Variants in ATG10 observed in about 807,000 individuals in gnomAD.
ATG10 encodes the protein ubiquitin-like-conjugating enzyme ATG10.
Under a neutral mutation model 32.1 loss-of-function variants are expected in ATG10, and 30 were observed. The ratio of observed to expected loss-of-function variants is 0.94; its 90% confidence interval spans 0.70 to 1.27. The LOEUF (loss-of-function observed/expected upper bound fraction) is 1.27. ATG10 is among the 50% of genes most tolerant of loss of function. ATG10 has a pLI of 0.00. For synonymous variants in ATG10, 87 were observed against 91.5 expected (o/e 0.95, Z 0.28); for missense variants, 233 against 262.3 (o/e 0.89, Z 0.77).
intron 3 of ATG10, among the ~76,000 whole-genome samples, chr5:82,152,537 A>C (rs995412393): frequency 1.3e-5 from 2 of 152,216 alleles, no homozygotes; most frequent in African/African-American, 4.8e-5. Flanking sequence ...CTGGCGCAGA[A>C]ATCTAAGAGC....
intron 3 of ATG10, among the ~76,000 whole-genome samples, chr5:82,078,218 G>T (rs532406670): frequency 3.6e-4 from 55 of 152,196 alleles, no homozygotes; most frequent in Non-Finnish European, 6.9e-4. Context: ...TTCATATGCA[G>T]TAAAGGCTTT....
chr5:82,179,712 C>G (rs879747765), intron 5 of ATG10, among the ~76,000 whole-genome samples: 4 of 152,012 alleles, frequency 2.6e-5, no homozygotes, highest in Non-Finnish European at 5.9e-5. Context: ...ATTATTTTTT[C>G]CAAGCTTCTG....
At chr5:82,004,393 C>A (rs1408164504) in intron 2 of ATG10, among the ~76,000 whole-genome samples, 1 of 152,082 alleles carries the variant, frequency 6.6e-6, no homozygotes, top group Non-Finnish European at 1.5e-5. Context: ...GTATTTGCGT[C>A]CCCGAAGTTG....
At chr5:82,025,353 G>T (rs200908206) in intron 2 of ATG10, among the ~76,000 whole-genome samples, 1 of 152,176 alleles carries the variant, frequency 6.6e-6, no homozygotes, top group East Asian at 1.9e-4. Context: ...TGCTTATGAT[G>T]CATTAGCTTT....
At chr5:82,234,435 A>T (rs1746482390) in intron 5 of ATG10, among the ~76,000 whole-genome samples, 1 of 152,110 alleles carries the variant, frequency 6.6e-6, no homozygotes, top group Non-Finnish European at 1.5e-5. Flanking sequence ...TCATCCGTAA[A>T]ACCCTGCCCT....
intron 2 of ATG10, among the ~76,000 whole-genome samples, chr5:81,994,664 C>CT (rs922147824): frequency 6.6e-6 from 1 of 152,140 alleles, no homozygotes; most frequent in Non-Finnish European, 1.5e-5. Context: ...ATTAAAGCCT[C>CT]TTTTTTACTT....
intron 2 of ATG10, among the ~76,000 whole-genome samples, chr5:82,054,689 G>C (rs1427986367): frequency 6.6e-6 from 1 of 152,122 alleles, no homozygotes; most frequent in East Asian, 1.9e-4. Context: ...AAACTTGAAG[G>C]TTCCCTTTGT....
At chr5:82,116,788 T>A (rs1037008743) in intron 3 of ATG10, among the ~76,000 whole-genome samples, 1 of 152,126 alleles carries the variant, frequency 6.6e-6, no homozygotes, top group Admixed American at 6.6e-5. Flanking sequence ...TCTGAGAGAA[T>A]GAAGGTGTGA....
intron 3 of ATG10, among the ~76,000 whole-genome samples, chr5:82,163,014 A>C (rs556652137): frequency 1.3e-5 from 2 of 152,228 alleles, no homozygotes; most frequent in African/African-American, 4.8e-5. Context: ...CAATATTTGT[A>C]ATTTTTACCA....
Position 82,255,729 on chromosome 5 carries a change from G to A in ATG10, c.*1666G>A, listed in dbSNP as rs1747438348. The stretch of plus-strand genomic sequence containing the variant: ...TGTCTAGGCCTTACATGGATAGTAA[G>A]GAAGCTTAGGAGACATGTACACAAG... On this transcript the variant is annotated 3_prime_UTR_variant, in exon 8 of 8. Transcript: ENST00000282185. 1 of 152,188 alleles carries A rather than the reference G, an allele frequency of 6.6e-6. No individual in the cohort carries two copies. Among genetic ancestry groups the A allele is most frequent in the Admixed American group, 6.5e-5 (1 of 15,282 alleles). 9.4% of individuals were successfully genotyped at this position (152,188 alleles called of 1,614,324 possible).
At chr5:82,219,258 C>T (rs1283696087) in intron 5 of ATG10, among the ~76,000 whole-genome samples, 1 of 152,146 alleles carries the variant, frequency 6.6e-6, no homozygotes, top group Admixed American at 6.5e-5. Flanking sequence ...GATTTTAGAA[C>T]AAGTAGTATT....
At chr5:82,206,471 C>T (rs538858255) in intron 5 of ATG10, among the ~76,000 whole-genome samples, 13 of 152,030 alleles carry the variant, frequency 8.6e-5, no homozygotes, top group South Asian at 6.2e-4. Context: ...CACGGTGAAA[C>T]CCCGTCTCTA....
rs1425922722 is a variant in ATG10 at position 82,068,699 on chromosome 5, T to TTA, written c.216+10107_216+10108dup. ...CTAAACTTAAATATATATATATATC[T>TTA]TATATATATATCAAGTATATATATA... is the stretch of plus-strand genomic sequence containing the variant. On this transcript the variant is annotated intron_variant, in intron 3 of 7. Transcript: ENST00000282185. Among the ~76,000 whole-genome samples, 305 of 146,100 alleles carry TTA rather than the reference T, an allele frequency of 2.1e-3. 1 individual carries two copies. The highest frequency in any genetic ancestry group is 7.2e-3 in the African/African-American group (291 of 40,256).
chr5:82,087,083 A>C (rs887315008), intron 3 of ATG10, among the ~76,000 whole-genome samples: 1 of 152,188 alleles, frequency 6.6e-6, no homozygotes, highest in African/African-American at 2.4e-5. Flanking sequence ...ATTAGAGGAA[A>C]GATTCAGGGA....
intron 2 of ATG10, among the ~76,000 whole-genome samples, chr5:82,036,652 T>C (rs1762934013): frequency 6.6e-6 from 1 of 152,190 alleles, no homozygotes; most frequent in Non-Finnish European, 1.5e-5. Flanking sequence ...CTGTTAATTC[T>C]ACATTTTTAA....
At chr5:82,178,980 C>G (rs1262373744) in intron 5 of ATG10, among the ~76,000 whole-genome samples, 1 of 152,128 alleles carries the variant, frequency 6.6e-6, no homozygotes, top group Non-Finnish European at 1.5e-5. Context: ...ACCTAATCTA[C>G]TAAACATGAA....
intron 3 of ATG10, among the ~76,000 whole-genome samples, chr5:82,103,760 A>G (rs1427880705): frequency 6.6e-6 from 1 of 152,062 alleles, no homozygotes; most frequent in Non-Finnish European, 1.5e-5. Context: ...CAAGTGTTTT[A>G]AAAAGCTTGG....
chr5:82,234,451 C>T (rs1390451140), intron 5 of ATG10, among the ~76,000 whole-genome samples: 1 of 152,098 alleles, frequency 6.6e-6, no homozygotes, highest in African/African-American at 2.4e-5. Context: ...GCCCTAGATT[C>T]GTACCTTGAA....
intron 5 of ATG10, among the ~76,000 whole-genome samples, chr5:82,191,787 T>C (rs1160112319): frequency 6.6e-6 from 1 of 152,186 alleles, no homozygotes; most frequent in Non-Finnish European, 1.5e-5. Context: ...CTCTGGACTC[T>C]TTCCCCAGAC....
Sources: gnomAD v4.1 joint callset for allele counts (sites outside exome capture counted in the v4.1 genomes callset) on GRCh38, gnomAD v4.1.1 for gene constraint, MANE v1.5 for transcripts, NCBI Gene and HGNC (gene_info 2026-07-23, HGNC 2026-07-21) for gene names.